HMGN5: variants seen among roughly 807,000 people sequenced by gnomAD.
The protein encoded by HMGN5 is high mobility group nucleosome binding domain 5.
HMGN5 carries 4 observed loss-of-function variants against 9.5 expected under a neutral mutation model. The ratio of observed to expected loss-of-function variants is 0.42; its 90% CI spans 0.21 to 0.96. HMGN5 has a LOEUF of 0.96. Among genes scored for constraint, HMGN5 ranks in the 40% least tolerant of loss-of-function variants. The pLI is 0.30. For synonymous variants in HMGN5, 55 were observed against 57.1 expected (o/e 0.96, Z 0.16); for missense variants, 192 against 187.5 (o/e 1.02, Z -0.14).
intron 1 of HMGN5, among the ~76,000 whole-genome samples, chrX:81,153,187 G>A (rs761336098): frequency 9.2e-6 from 1 of 108,187 alleles, no homozygotes; most frequent in Non-Finnish European, 1.9e-5. Flanking sequence ...GAAAACTATA[G>A]GCCAATATCT....
chrX:81,154,738 G>A (rs749117551), intron 1 of HMGN5, among the ~76,000 whole-genome samples: 20 of 110,699 alleles, frequency 1.8e-4, no homozygotes, highest in Admixed American at 5.8e-4. Flanking sequence ...AAAAGGAGAC[G>A]TACAAATGGC....
chrX:81,149,595 A>G (rs185227253), intron 1 of HMGN5, among the ~76,000 whole-genome samples: 9 of 112,059 alleles, frequency 8.0e-5, no homozygotes, highest in Non-Finnish European at 1.7e-4. Context: ...TGTTTTGCAC[A>G]TATACCCCAG....
At chrX:81,152,744 C>G (rs1255461752) in intron 1 of HMGN5, among the ~76,000 whole-genome samples, 1 of 109,205 alleles carries the variant, frequency 9.2e-6, no homozygotes, top group Non-Finnish European at 1.9e-5. Context: ...TGGAACCAAC[C>G]CAAATGTCCA....
At chrX:81,128,891 T>G (rs2075291458) in intron 1 of HMGN5, among the ~76,000 whole-genome samples, 1 of 112,070 alleles carries the variant, frequency 8.9e-6, no homozygotes, top group African/African-American at 3.2e-5. Context: ...TTGTTTACAT[T>G]TTAAGAGCTT....
intron 4 of HMGN5, 24 bp from the exon 5 acceptor site, chrX:81,118,509 A>C (rs1172362953): frequency 8.9e-7 from 1 of 1,121,550 alleles, no homozygotes; most frequent in East Asian, 3.0e-5. Context: ...TGGGAAAAGA[A>C]AAGAAAAGGA....
At chrX:81,180,638 G>A (rs1439748128) in intron 1 of HMGN5, among the ~76,000 whole-genome samples, 2 of 111,943 alleles carry the variant, frequency 1.8e-5, no homozygotes, top group Admixed American at 9.5e-5. Flanking sequence ...GGAAGACAGT[G>A]TGGTGATCCC....
chrX:81,125,215 C>T (rs1281922328), intron 1 of HMGN5, among the ~76,000 whole-genome samples: 1 of 109,495 alleles, frequency 9.1e-6, no homozygotes, highest in Non-Finnish European at 1.9e-5. Flanking sequence ...CTAATTTTGA[C>T]CTCATGCAAC....
chrX:81,118,802 C>G, intron 3 of HMGN5, 43 bp from the exon 4 acceptor site: 1 of 949,321 alleles, frequency 1.1e-6, no homozygotes, highest in Non-Finnish European at 1.5e-6. Flanking sequence ...ATTATGGATA[C>G]AAAAAGCTAG....
chrX:81,175,704 T>G (rs2075439681), intron 1 of HMGN5, among the ~76,000 whole-genome samples: 1 of 111,254 alleles, frequency 9.0e-6, no homozygotes, highest in Admixed American at 9.6e-5. Flanking sequence ...CTCCACCCGC[T>G]ATTGTAGGCC....
chrX:81,178,116 A>G (rs1386619701), intron 1 of HMGN5, among the ~76,000 whole-genome samples: 1 of 112,045 alleles, frequency 8.9e-6, no homozygotes, highest in Admixed American at 9.5e-5. Flanking sequence ...AAAGCAGGAA[A>G]GATCTCAAAT....
intron 1 of HMGN5, among the ~76,000 whole-genome samples, chrX:81,189,131 G>A (rs1248410360): frequency 9.0e-6 from 1 of 111,512 alleles, no homozygotes; most frequent in Non-Finnish European, 1.9e-5. Context: ...GGATATTTTT[G>A]CTGAATATAC....
intron 1 of HMGN5, among the ~76,000 whole-genome samples, chrX:81,123,520 A>AT (rs1212589676): frequency 3.6e-4 from 40 of 112,181 alleles, no homozygotes. Context: ...GATAAGCATA[A>AT]AAATTGATTT....
intron 1 of HMGN5, among the ~76,000 whole-genome samples, chrX:81,144,337 T>G (rs181618280): frequency 0.011 from 1,271 of 111,661 alleles, 16 homozygotes; most frequent in African/African-American, 0.039. Context: ...CAACCTCCAC[T>G]GGTGATACCC....
At chrX:81,116,952 G>T (rs770281422) in intron 5 of HMGN5, among the ~76,000 whole-genome samples, 29 of 110,796 alleles carry the variant, frequency 2.6e-4, no homozygotes, top group Non-Finnish European at 4.0e-4. Flanking sequence ...TTGAGGGGCC[G>T]GAAAACCTGT....
chrX:81,164,211 A>G (rs1391239280), intron 1 of HMGN5, among the ~76,000 whole-genome samples: 1 of 112,047 alleles, frequency 8.9e-6, no homozygotes. Flanking sequence ...TTATCATGAA[A>G]TTTTAGTTCA....
chrX:81,135,638 T>C (rs2075309130), intron 1 of HMGN5, among the ~76,000 whole-genome samples: 1 of 110,938 alleles, frequency 9.0e-6, no homozygotes, highest in Admixed American at 9.6e-5. Flanking sequence ...GGCAAATCAA[T>C]AGAGACAAAA....
Position 81,154,675 on chromosome X carries a change from A to T in HMGN5, c.-123-33003T>A, listed in dbSNP as rs533699050. On this transcript the variant is annotated intron_variant, in intron 1 of 6. Transcript: ENST00000358130. Reference sequence around the variant, plus strand: ...AGCTCAGACAACTCTATAGGAAAAAAAAGTATAATAATCCAATTAAAAATG... The same window carrying T: ...AGCTCAGACAACTCTATAGGAAAAATAAGTATAATAATCCAATTAAAAATG... 3.8e-4 allele frequency among the ~76,000 whole-genome samples: 42 copies of T among 111,508 alleles called. 2 individuals carry two copies. In the South Asian group the frequency reaches 0.016, roughly 42 times the overall value.
chrX:81,147,167 A>T (rs762060315), intron 1 of HMGN5, among the ~76,000 whole-genome samples: 20 of 112,073 alleles, frequency 1.8e-4, no homozygotes, highest in Middle Eastern at 4.7e-3. Context: ...CATCATCCTG[A>T]TACCAAAACC....
chrX:81,119,719 T>C, intron 3 of HMGN5, 69 bp downstream of exon 3: 2 of 925,080 alleles, frequency 2.2e-6, no homozygotes, highest in Non-Finnish European at 1.6e-6. Flanking sequence ...ATCTATTTTT[T>C]AGCTGCTTAT....
Sources: allele counts gnomAD v4.1 joint callset (sites outside exome capture counted in the v4.1 genomes callset), GRCh38; gene constraint gnomAD v4.1.1; transcripts MANE v1.5; gene names NCBI Gene and HGNC (gene_info 2026-07-23, HGNC 2026-07-21).